Variants in DPF3 observed in about 807,000 individuals in gnomAD.
DPF3 encodes the protein double PHD fingers 3, also known as zinc finger protein DPF3.
DPF3 carries 18 observed loss-of-function variants against 56.8 expected under a neutral mutation model. The ratio of observed to expected loss-of-function variants is 0.32; its 90% confidence interval spans 0.22 to 0.47. The LOEUF (loss-of-function observed/expected upper bound fraction) is 0.47, where lower values mean the gene tolerates loss of function less well. DPF3 is among the 20% of genes least tolerant of loss of function. DPF3 has a pLI of 1.00. For synonymous variants in DPF3, 188 were observed against 180.2 expected (o/e 1.04, Z -0.35); for missense variants, 403 against 488.8 (o/e 0.82, Z 1.65).
intron 1 of DPF3, among the ~76,000 whole-genome samples, chr14:72,819,957 A>T (rs565359219): frequency 7.2e-5 from 11 of 152,306 alleles, no homozygotes; most frequent in African/African-American, 2.6e-4. Context: ...CAAAAGGTAG[A>T]TAGTGTATGA....
At chr14:72,733,979 A>G (rs1032833595) in intron 3 of DPF3, among the ~76,000 whole-genome samples, 1 of 152,206 alleles carries the variant, frequency 6.6e-6, no homozygotes, top group African/African-American at 2.4e-5. Flanking sequence ...CCTACCAAAA[A>G]AGGAGAGCAA....
chr14:72,737,704 C>G (rs955645072), intron 3 of DPF3, among the ~76,000 whole-genome samples: 2 of 152,190 alleles, frequency 1.3e-5, no homozygotes, highest in Non-Finnish European at 2.9e-5. Flanking sequence ...TTTCGGGAGG[C>G]AGTGTGTTCT....
intron 1 of DPF3, among the ~76,000 whole-genome samples, chr14:72,886,573 T>G (rs1193989120): frequency 6.6e-6 from 1 of 152,174 alleles, no homozygotes; most frequent in African/African-American, 2.4e-5. Context: ...CTGTGTGTTA[T>G]GTATATTTTA....
At position 72,638,878 on chromosome 14, in the gene DPF3, G is replaced by A. The variant is rs541807010; in HGVS notation, c.872-9142C>T. ...GTCGTCCATGCTGGAGTGCAGTGGC[G>A]TGATCTTGGCTCACTGCGAGCTCTG... is the stretch of plus-strand genomic sequence containing the variant. On this transcript the variant is annotated intron_variant, in intron 8 of 10. Coordinates refer to ENST00000556509, the MANE Select transcript of DPF3 (RefSeq NM_001280542.3). Among the ~76,000 whole-genome samples, 14 of 149,136 alleles carry A rather than the reference G, an allele frequency of 9.4e-5. No homozygotes were observed. In the South Asian group the frequency reaches 1.9e-3, roughly 20 times the overall value.
intron 3 of DPF3, among the ~76,000 whole-genome samples, chr14:72,749,513 G>C (rs1238470284): frequency 1.3e-5 from 2 of 152,350 alleles, no homozygotes; most frequent in African/African-American, 4.8e-5. Flanking sequence ...GGTTAGGAAG[G>C]CATGATTGGT....
chr14:72,858,308 CAA>C (rs34498163), intron 1 of DPF3, among the ~76,000 whole-genome samples: 3,768 of 119,808 alleles, frequency 0.031, 131 homozygotes, highest in African/African-American at 0.097. Context: ...GACTCTATCT[CAA>C]AAAAAAAAAA....
intron 6 of DPF3, among the ~76,000 whole-genome samples, chr14:72,695,794 G>A (rs1400514098): frequency 6.6e-6 from 1 of 151,806 alleles, no homozygotes. Flanking sequence ...CCAAACCTTA[G>A]CATTATGTAA....
At chr14:72,740,122 C>T (rs1179216162) in intron 3 of DPF3, among the ~76,000 whole-genome samples, 1 of 152,116 alleles carries the variant, frequency 6.6e-6, no homozygotes, top group Non-Finnish European at 1.5e-5. Flanking sequence ...AAGGGGCCTT[C>T]AGCACAAAAG....
At chr14:72,751,002 G>A (rs1890550051) in intron 3 of DPF3, among the ~76,000 whole-genome samples, 1 of 152,004 alleles carries the variant, frequency 6.6e-6, no homozygotes, top group Admixed American at 6.6e-5. Context: ...ACTAGCCTGG[G>A]TAGCATAGTG....
intron 8 of DPF3, among the ~76,000 whole-genome samples, chr14:72,633,149 T>G (rs1885265978): frequency 6.6e-6 from 1 of 152,156 alleles, no homozygotes; most frequent in African/African-American, 2.4e-5. Context: ...AGATTGTAGA[T>G]TACAGTGAAA....
chr14:72,644,635 C>T (rs961334534), intron 8 of DPF3, among the ~76,000 whole-genome samples: 3 of 152,196 alleles, frequency 2.0e-5, no homozygotes, highest in African/African-American at 7.2e-5. Context: ...AATACAAAAA[C>T]ACCCATCAAT....
intron 7 of DPF3, among the ~76,000 whole-genome samples, chr14:72,681,476 G>C (rs917023359): frequency 5.3e-5 from 8 of 152,130 alleles, no homozygotes; most frequent in Non-Finnish European, 1.5e-5. Context: ...CTCTCACCAG[G>C]GACTCAGCAG....
intron 6 of DPF3, among the ~76,000 whole-genome samples, chr14:72,707,166 T>G (rs895373310): frequency 4.6e-5 from 7 of 152,210 alleles, no homozygotes; most frequent in African/African-American, 1.2e-4. Context: ...TCATCATTTT[T>G]TATGGCTGCA....
At chr14:72,785,950 T>C (rs1892192011) in intron 1 of DPF3, among the ~76,000 whole-genome samples, 1 of 152,206 alleles carries the variant, frequency 6.6e-6, no homozygotes. Flanking sequence ...GTCTGGTGCC[T>C]GGTTTTATTG....
intron 8 of DPF3, among the ~76,000 whole-genome samples, chr14:72,630,289 A>G (rs1599316574): frequency 6.6e-6 from 1 of 152,226 alleles, no homozygotes; most frequent in East Asian, 1.9e-4. Flanking sequence ...CACACTCATG[A>G]GACTAGCAAA....
intron 3 of DPF3, among the ~76,000 whole-genome samples, chr14:72,735,794 G>A (rs1889867504): frequency 6.6e-6 from 1 of 152,108 alleles, no homozygotes; most frequent in Non-Finnish European, 1.5e-5. Flanking sequence ...GTGGTAAATG[G>A]GTGTGGTCAT....
intron 6 of DPF3, among the ~76,000 whole-genome samples, chr14:72,713,020 C>A (rs1191538360): frequency 6.6e-6 from 1 of 152,274 alleles, no homozygotes. Flanking sequence ...CCCTTCCCAG[C>A]CCATGGCTTA....
chr14:72,873,866 T>A (rs898778283), intron 1 of DPF3, among the ~76,000 whole-genome samples: 2 of 148,148 alleles, frequency 1.3e-5, no homozygotes, highest in Non-Finnish European at 3.0e-5. Flanking sequence ...AGGTGGGAAC[T>A]GAACAATGAG....
chr14:72,622,147 G>A (rs1371544160), intron 9 of DPF3, among the ~76,000 whole-genome samples: 4 of 152,158 alleles, frequency 2.6e-5, no homozygotes. Context: ...TTTGTACATA[G>A]GTAGAAATGT....
Sources: gnomAD v4.1 joint callset for allele counts (sites outside exome capture counted in the v4.1 genomes callset) on GRCh38, gnomAD v4.1.1 for gene constraint, MANE v1.5 for transcripts, NCBI Gene and HGNC (gene_info 2026-07-23, HGNC 2026-07-21) for gene names.